Variants in SLC1A1 observed in about 807,000 individuals in gnomAD.
The protein encoded by SLC1A1 is excitatory amino acid transporter 3.
A neutral mutation model predicts 53.3 loss-of-function variants in SLC1A1; 43 were observed. The observed-to-expected ratio is 0.81, with a 90% CI of 0.63 to 1.04. SLC1A1 has a LOEUF of 1.04. SLC1A1 is among the 50% of genes least tolerant of loss of function. The pLI, the probability that SLC1A1 is intolerant of heterozygous loss-of-function variation, is 0.00. For synonymous variants in SLC1A1, 307 were observed against 243.2 expected, an observed-to-expected ratio of 1.26 and a Z score of -2.44; for missense variants, 748 against 664.9, an observed-to-expected ratio of 1.12 and a Z score of -1.37.
At chr9:4,550,917 T>C (rs763864466) in intron 2 of SLC1A1, among the ~76,000 whole-genome samples, 8 of 152,210 alleles carry the variant, frequency 5.3e-5, no homozygotes, top group Non-Finnish European at 8.8e-5. Flanking sequence ...ACAGACCGTA[T>C]GTAAATGATT....
chr9:4,562,437 T>C (rs1311960122), intron 3 of SLC1A1, among the ~76,000 whole-genome samples: 1 of 152,150 alleles, frequency 6.6e-6, no homozygotes, highest in Non-Finnish European at 1.5e-5. Flanking sequence ...AATTATAAAA[T>C]ATTTCCAGAA....
intron 1 of SLC1A1, among the ~76,000 whole-genome samples, chr9:4,491,595 G>T (rs774979443): frequency 2.6e-5 from 4 of 152,240 alleles, no homozygotes; most frequent in Admixed American, 6.5e-5. Context: ...CCATTGCTCA[G>T]AGGTATGAGT....
At chr9:4,559,821 CA>C (rs1185852314) in intron 2 of SLC1A1, 2 of 152,210 alleles carry the variant, frequency 1.3e-5, no homozygotes, top group Admixed American at 6.5e-5. Context: ...CCTCCAATGA[CA>C]GCTTGCCGAA....
chr9:4,538,112 G>C (rs943119625), intron 1 of SLC1A1, among the ~76,000 whole-genome samples: 3 of 152,164 alleles, frequency 2.0e-5, no homozygotes, highest in Non-Finnish European at 2.9e-5. Context: ...ACAGGTCTCA[G>C]TTAATTAAGA....
intron 6 of SLC1A1, among the ~76,000 whole-genome samples, chr9:4,569,453 CTT>C (rs1363234387): frequency 6.6e-6 from 1 of 152,154 alleles, no homozygotes; most frequent in African/African-American, 2.4e-5. Flanking sequence ...TTGCTATAAA[CTT>C]ATCAATAAAA....
At chr9:4,526,854 A>G (rs75661194) in intron 1 of SLC1A1, among the ~76,000 whole-genome samples, 3,329 of 152,138 alleles carry the variant, frequency 0.022, 124 homozygotes, top group African/African-American at 0.077. Flanking sequence ...TGGCAAACAT[A>G]CCCTGCATAA....
At position 4,556,667 on chromosome 9, in the gene SLC1A1, C is replaced by CT. The variant is rs1405957400; in HGVS notation, c.233-4781dup. On this transcript the variant is annotated intron_variant, in intron 2 of 11. Coordinates refer to ENST00000262352, the MANE Select transcript of SLC1A1 (RefSeq NM_004170.6). The surrounding 1 kb of genome is among the most constrained non-coding windows in gnomAD (Gnocchi z 4.1). ...TTCGACGTCAACGCCAGTTAAGAGT[C>CT]TAATGCCTGGATTCTCATTCTCACA... Among the ~76,000 whole-genome samples the CT allele has an allele frequency of 1.4e-4, 21 of 152,192 alleles. No homozygotes were observed. Among genetic ancestry groups the CT allele is most frequent in the Admixed American group, 1.4e-3 (21 of 15,280 alleles).
intron 1 of SLC1A1, among the ~76,000 whole-genome samples, chr9:4,527,480 T>C (rs1429269250): frequency 6.6e-6 from 1 of 152,192 alleles, no homozygotes; most frequent in Non-Finnish European, 1.5e-5. Flanking sequence ...GCTGGTTTTG[T>C]TATGGCATTG....
At chr9:4,494,204 G>C (rs1586682879) in intron 1 of SLC1A1, among the ~76,000 whole-genome samples, 1 of 152,190 alleles carries the variant, frequency 6.6e-6, no homozygotes, top group Admixed American at 6.5e-5. Flanking sequence ...AGAGTCCTTG[G>C]GATTTGAATT....
At chr9:4,542,643 T>A (rs1359542706) in intron 1 of SLC1A1, among the ~76,000 whole-genome samples, 2 of 152,222 alleles carry the variant, frequency 1.3e-5, no homozygotes, top group Non-Finnish European at 2.9e-5. Context: ...GAGAGAATAT[T>A]TGTTTTTTAA....
chr9:4,552,420 G>A (rs1039061819), intron 2 of SLC1A1, among the ~76,000 whole-genome samples: 8 of 152,112 alleles, frequency 5.3e-5, no homozygotes, highest in African/African-American at 1.7e-4. Context: ...TAGCATCTTT[G>A]TCCTCCCAAA....
At chr9:4,550,453 C>A (rs999776025) in intron 2 of SLC1A1, among the ~76,000 whole-genome samples, 11 of 152,090 alleles carry the variant, frequency 7.2e-5, no homozygotes, top group Non-Finnish European at 1.5e-4. Context: ...TGCAGTGGTA[C>A]CAGTATAGCT....
chr9:4,527,162 A>G (rs564689529), intron 1 of SLC1A1, among the ~76,000 whole-genome samples: 1 of 152,266 alleles, frequency 6.6e-6, no homozygotes, highest in Admixed American at 6.5e-5. Flanking sequence ...AGCCAGTAAG[A>G]AATCCTACAA....
intron 2 of SLC1A1, among the ~76,000 whole-genome samples, chr9:4,545,189 G>GTCTGTCTCTCTCTCTCTCTC (rs1817371341): frequency 7.6e-6 from 1 of 130,906 alleles, no homozygotes; most frequent in South Asian, 2.6e-4. Context: ...TACATTAGAT[G>GTCTGTCTCTCTCTCTCTCTC]TCTCTCTCTC....
chr9:4,490,671 G>A lies in SLC1A1; in HGVS notation c.-9G>A, dbSNP rs771502173. Reference sequence around the variant, plus strand: ...CGGCCGAGCCCAGCGCACAATAGCGGCGACAGCCATGGGGAAACCGGCGAG... The same window carrying A: ...CGGCCGAGCCCAGCGCACAATAGCGACGACAGCCATGGGGAAACCGGCGAG... On this transcript the variant is annotated 5_prime_UTR_variant, in exon 1 of 12. Transcript: ENST00000262352. The A allele has an allele frequency of 9.3e-6, 15 of 1,611,678 alleles. No individual in the cohort carries two copies. Among genetic ancestry groups the A allele is most frequent in the Non-Finnish European group, 1.1e-5 (13 of 1,178,326 alleles).
chr9:4,555,855 G>T (rs1818325847), intron 2 of SLC1A1, among the ~76,000 whole-genome samples: 1 of 152,176 alleles, frequency 6.6e-6, no homozygotes, highest in Admixed American at 6.6e-5. Flanking sequence ...AAAACATCTA[G>T]TTTTTAAACT....
At chr9:4,498,730 TGA>T (rs35169624) in intron 1 of SLC1A1, among the ~76,000 whole-genome samples, 18,614 of 151,178 alleles carry the variant, frequency 0.12, 1,560 homozygotes, top group South Asian at 0.33. Flanking sequence ...AGCAAAATAA[TGA>T]GCACTACTAA....
chr9:4,494,751 C>T (rs1380626032), intron 1 of SLC1A1, among the ~76,000 whole-genome samples: 1 of 152,024 alleles, frequency 6.6e-6, no homozygotes, highest in Non-Finnish European at 1.5e-5. Context: ...AGTGAGAATT[C>T]TGCCAGCCTT....
In SLC1A1 at chr9:4,585,669, G is replaced by C. The variant is rs886063966; in HGVS notation, c.*111G>C. ...TAATGGCCAAGTGTACATTTGATTT[G>C]ATATACAGACCTCCAGATTATTTTC... On this transcript the variant is annotated 3_prime_UTR_variant, in exon 12 of 12. Coordinates refer to ENST00000262352, the MANE Select transcript of SLC1A1 (RefSeq NM_004170.6). 3.1e-5 allele frequency: 41 copies of C among 1,318,680 alleles called. No homozygotes were observed. Among genetic ancestry groups the C allele is most frequent in the Non-Finnish European group, 4.2e-5 (39 of 922,178 alleles). 81.7% of individuals were successfully genotyped at this position (1,318,680 alleles called of 1,614,324 possible). A position where few individuals can be genotyped will look rare whatever the true frequency, so the allele number is the denominator to read the frequency against.
Sources: gnomAD v4.1 joint callset for allele counts (sites outside exome capture counted in the v4.1 genomes callset) on GRCh38, gnomAD v4.1.1 for gene constraint, Gnocchi (gnomAD v3.1) non-coding constraint, MANE v1.5 for transcripts, NCBI Gene and HGNC (gene_info 2026-07-23, HGNC 2026-07-21) for gene names.